The following NOL3 variants were observed in gnomAD, a reference collection of about 807,000 sequenced individuals.
The protein encoded by NOL3 is nucleolar protein 3.
Under a neutral mutation model 19.2 loss-of-function variants are expected in NOL3, and 18 were observed. That is an observed-to-expected ratio of 0.94 (90% CI 0.65 to 1.39). The LOEUF is 1.39. Ranked by LOEUF, NOL3 falls within the 40% of genes most tolerant of loss-of-function variation. NOL3 has a pLI of 0.00. For synonymous variants in NOL3, 127 were observed against 137.3 expected, an observed-to-expected ratio of 0.93 and a Z score of 0.52; for missense variants, 290 against 289.5, an observed-to-expected ratio of 1.00 and a Z score of -0.01.
chr16:67,173,969 G>C (rs1247368551), intron 1 of NOL3, 193 bp from the exon 2 acceptor site: 1 of 1,537,356 alleles, frequency 6.5e-7, no homozygotes. Context: ...AGCGTCTGGA[G>C]AGGCAGGAGG....
chr16:67,174,318 C>A, exon 2 of NOL3: 2 of 1,606,860 alleles, frequency 1.2e-6, no homozygotes, highest in Non-Finnish European at 1.7e-6. Flanking sequence ...GCATTGGATG[C>A]ACTGCCTGAT....
chr16:67,175,082 C>T lies in NOL3; in HGVS notation c.*28C>T, dbSNP rs755729826. On this transcript the variant is annotated 3_prime_UTR_variant, in exon 4 of 4. Transcript: ENST00000268605. The stretch of plus-strand genomic sequence containing the variant: ...GCCAGAGCTCTGACAGGCGGTGCCC[C>T]GCCCATGCTGGATAGGACCTGGGAT... The T allele has an allele frequency of 1.1e-5, 17 of 1,614,126 alleles. No individual in the cohort carries two copies. The African/African-American group carries it at 1.2e-4, about 11-fold the overall frequency.
intron 1 of NOL3, chr16:67,173,653 T>C: frequency 1.7e-6 from 1 of 575,306 alleles, no homozygotes; most frequent in Non-Finnish European, 3.1e-6. Context: ...GTGGTGAGGA[T>C]GGTGAGAGAA....
intron 1 of NOL3, among the ~76,000 whole-genome samples, chr16:67,173,263 G>C (rs1252705906): frequency 6.6e-6 from 1 of 152,170 alleles, no homozygotes; most frequent in Non-Finnish European, 1.5e-5. Context: ...AGCCAGGTGG[G>C]TCAGCAGAGA....
At chr16:67,173,512 A>G (rs1337718314) in intron 1 of NOL3, among the ~76,000 whole-genome samples, 1 of 151,718 alleles carries the variant, frequency 6.6e-6, no homozygotes, top group Non-Finnish European at 1.5e-5. Context: ...GTAAGGGGAG[A>G]GGGGCAGGGA....
exon 2 of NOL3, chr16:67,174,221 C>T (rs747279712): frequency 1.2e-6 from 2 of 1,613,008 alleles, no homozygotes; most frequent in East Asian, 2.2e-5. Context: ...CGAGCGGAAA[C>T]GCCTGGTCGA....
chr16:67,174,990 G>C, intron 3 of NOL3, 46 bp downstream of exon 3: 3 of 1,610,652 alleles, frequency 1.9e-6, no homozygotes, highest in Non-Finnish European at 1.7e-6. Flanking sequence ...GGAGGGCATG[G>C]CCTGGGAAGC....
At chr16:67,175,621 T>C (rs1406480399) in exon 4 of NOL3, 1 of 154,560 alleles carries the variant, frequency 6.5e-6, no homozygotes, top group Non-Finnish European at 1.4e-5. Context: ...CTGTTTTAAT[T>C]GTCTGGCTTC....
At chr16:67,175,113 T>G (rs906871582) in exon 4 of NOL3, 1 of 1,613,912 alleles carries the variant, frequency 6.2e-7, no homozygotes, top group Non-Finnish European at 8.5e-7. Context: ...GGGATGCTGC[T>G]GGAGCTGAAT....
intron 1 of NOL3, among the ~76,000 whole-genome samples, chr16:67,172,544 G>A (rs981197877): frequency 6.6e-6 from 1 of 150,686 alleles, no homozygotes; most frequent in African/African-American, 2.4e-5. Flanking sequence ...TCAGGAGGCA[G>A]AGGTTGCAGT....
At chr16:67,175,318 C>A (rs75280012) in exon 4 of NOL3, 42,980 of 1,381,922 alleles carry the variant, frequency 0.031, 938 homozygotes, top group South Asian at 0.068. Context: ...CCTAATCTGC[C>A]CTTAGGAGTC....
At chr16:67,173,835 G>A in intron 1 of NOL3, 1 of 1,528,302 alleles carries the variant, frequency 6.5e-7, no homozygotes, top group Non-Finnish European at 8.8e-7. Flanking sequence ...TGGAGCTCAG[G>A]ACGTCCTGGT....
exon 3 of NOL3, chr16:67,174,765 C>A (rs1196608349): frequency 6.2e-7 from 1 of 1,608,646 alleles, no homozygotes; most frequent in African/African-American, 1.3e-5. Flanking sequence ...GCGGTGCAAT[C>A]CGGGACCCCG....
intron 1 of NOL3, 190 bp from the exon 2 acceptor site, chr16:67,173,972 G>A: frequency 6.5e-7 from 1 of 1,537,488 alleles, no homozygotes; most frequent in Non-Finnish European, 8.7e-7. Flanking sequence ...GTCTGGAGAG[G>A]CAGGAGGACA....
intron 2 of NOL3, 66 bp downstream of exon 2, chr16:67,174,530 G>A (rs1458869657): frequency 1.4e-6 from 2 of 1,473,434 alleles, no homozygotes; most frequent in South Asian, 1.4e-5. Context: ...AAGGCCCGGG[G>A]AGGGCAGGGT....
chr16:67,171,579 G>A (rs947525068), intron 1 of NOL3: 1 of 152,308 alleles, frequency 6.6e-6, no homozygotes, highest in East Asian at 1.9e-4. Flanking sequence ...GGGCAGTGGG[G>A]TGTGGGGGGG....
chr16:67,174,304 C>T, exon 2 of NOL3: 1 of 1,609,472 alleles, frequency 6.2e-7, no homozygotes. Context: ...GGCCAGAGTA[C>T]GAGGCATTGG....
rs759230238 is a variant in NOL3, at chr16:67,174,946, T to C, written c.619+2T>C. 1.9e-6 allele frequency: 3 copies of C among 1,610,760 alleles called. No individual in the cohort carries two copies. Among genetic ancestry groups the C allele is most frequent in the Non-Finnish European group, 2.5e-6 (3 of 1,177,706 alleles). ...TCGAGGAAAGGGACGAGTCCGAAGG[T>C]GTGAGTCCGCCCAAACCCTGAGCCG... On this transcript the variant is annotated splice_donor_variant, in intron 3 of 3. Transcript: ENST00000268605. LOFTEE classifies it high-confidence loss of function.
chr16:67,174,723 C>G, exon 3 of NOL3: 1 of 1,610,828 alleles, frequency 6.2e-7, no homozygotes, highest in African/African-American at 1.3e-5. Flanking sequence ...GCTTCAGACC[C>G]TGACGAGGCC....
Sources: gnomAD v4.1 joint callset for allele counts (sites outside exome capture counted in the v4.1 genomes callset) on GRCh38, gnomAD v4.1.1 for gene constraint, MANE v1.5 for transcripts, NCBI Gene and HGNC (gene_info 2026-07-23, HGNC 2026-07-21) for gene names.